The following EHF variants were observed in gnomAD, a reference collection of about 807,000 sequenced individuals.
EHF encodes the protein ETS homologous factor.
In EHF, 14 loss-of-function variants were observed where a neutral mutation model predicts 45.1. The ratio of observed to expected loss-of-function variants is 0.31; its 90% CI spans 0.21 to 0.49. The LOEUF (loss-of-function observed/expected upper bound fraction) is 0.49. Ranked by LOEUF, EHF falls within the 20% of genes least tolerant of loss-of-function variation. The probability of loss-of-function intolerance (pLI) is 0.99; values close to 1 mark genes in which losing one functional copy is unlikely to be tolerated. For synonymous variants in EHF, 136 were observed against 131.8 expected, an observed-to-expected ratio of 1.03 and a Z score of -0.22; for missense variants, 282 against 371.4, an observed-to-expected ratio of 0.76 and a Z score of 1.98.
At chr11:34,644,072 C>T (rs566754182) in intron 2 of EHF, among the ~76,000 whole-genome samples, 25 of 152,242 alleles carry the variant, frequency 1.6e-4, no homozygotes, top group African/African-American at 2.4e-4. Context: ...CTGTCTGATG[C>T]GGAATCTCCC....
At chr11:34,645,831 G>T (rs991238557) in intron 2 of EHF, among the ~76,000 whole-genome samples, 1 of 152,176 alleles carries the variant, frequency 6.6e-6, no homozygotes, top group Non-Finnish European at 1.5e-5. Flanking sequence ...ATTTCAGTGG[G>T]TGATGAGGAC....
At chr11:34,656,420 A>C (rs1239582600) in intron 6 of EHF, among the ~76,000 whole-genome samples, 1 of 151,974 alleles carries the variant, frequency 6.6e-6, no homozygotes, top group Non-Finnish European at 1.5e-5. Context: ...CAAATTTTTC[A>C]ATGATCTAAA....
rs1250171927 is a variant in EHF, at chr11:34,661,514, T to G, written c.*2583T>G. On this transcript the variant is annotated 3_prime_UTR_variant, in exon 9 of 9. Coordinates refer to ENST00000257831, the MANE Select transcript of EHF (RefSeq NM_012153.6). Reference sequence around the variant, plus strand: ...CAGATAATTAGTGGATTGTGTTGTTTGTTGAGAGTGAAGGTTTCTTGGCAT... The same window carrying G: ...CAGATAATTAGTGGATTGTGTTGTTGGTTGAGAGTGAAGGTTTCTTGGCAT... Among the ~76,000 whole-genome samples, 1 of 152,146 alleles carries G rather than the reference T, an allele frequency of 6.6e-6. No homozygotes were observed. Among genetic ancestry groups the G allele is most frequent in the Non-Finnish European group, 1.5e-5 (1 of 68,016 alleles).
Position 34,629,068 on chromosome 11 carries a change from C to T in EHF, c.-4+7840C>T, listed in dbSNP as rs892487845. Among the ~76,000 whole-genome samples, 14 of 152,292 alleles carry T rather than the reference C, an allele frequency of 9.2e-5. 1 individual carries two copies. Among genetic ancestry groups the T allele is most frequent in the Admixed American group, 3.3e-4 (5 of 15,298 alleles). On this transcript the variant is annotated intron_variant, in intron 1 of 8. Transcript: ENST00000257831. ...AGACTGGGAGTCTGGGAAGCTGCTG[C>T]GGAGAGCCCTCTCCTCATTTTCATC...
At chr11:34,637,331 A>AG (rs1853534259) in intron 1 of EHF, among the ~76,000 whole-genome samples, 1 of 152,192 alleles carries the variant, frequency 6.6e-6, no homozygotes, top group Non-Finnish European at 1.5e-5. Context: ...CTGGAGAAGC[A>AG]GGCGCATGGG....
chr11:34,631,520 G>A (rs1852888820), intron 1 of EHF: 1 of 965,912 alleles, frequency 1.0e-6, no homozygotes, highest in South Asian at 4.8e-5. Context: ...ATGATGCTTG[G>A]ATTAGGACAG....
In EHF at chr11:34,649,048, A is replaced by C; in HGVS notation, c.373A>C (p.Thr125Pro). 6.2e-7 allele frequency: 1 copy of C among 1,614,036 alleles called. No individual in the cohort carries two copies. Among genetic ancestry groups the C allele is most frequent in the Non-Finnish European group, 8.5e-7 (1 of 1,179,932 alleles). Residue 125 changes from threonine (T) to proline (P), a missense_variant, in exon 4 of 9, where the codon ACA becomes CCA. Around this residue, in one of 3 missense-constraint regions of EHF, gnomAD observed 213 missense variants for 247.3 expected, o/e 0.86. Transcript: ENST00000257831. ...GQCSSDLFQS[T>P]HNVIVKTEQT... ...GTGCAGTAGTGACCTGTTCCAGTCC[A>C]CACACAATGTCATTGTCAAGACTGA...
chr11:34,621,465 T>C (rs1851986624), intron 1 of EHF, among the ~76,000 whole-genome samples: 1 of 151,832 alleles, frequency 6.6e-6, no homozygotes, highest in Non-Finnish European at 1.5e-5. Flanking sequence ...TCTGGACTTC[T>C]AATCTCTGTG....
In EHF at chr11:34,662,961, TA is replaced by T. The variant is rs895968357; in HGVS notation, c.*4038del. ...CTGGAACTAGAGATAGAGCATTTAT[TA>T]AAAAAAACTCCTGTTGAGACTGTGT... is the stretch of plus-strand genomic sequence containing the variant. On this transcript the variant is annotated 3_prime_UTR_variant, in exon 9 of 9. Coordinates refer to ENST00000257831, the MANE Select transcript of EHF (RefSeq NM_012153.6). Among the ~76,000 whole-genome samples the T allele has an allele frequency of 1.3e-5, 2 of 151,946 alleles. No individual in the cohort carries two copies. The highest frequency in any genetic ancestry group is 6.6e-5 in the Admixed American group (1 of 15,234).
At chr11:34,637,333 G>A (rs947415462) in intron 1 of EHF, among the ~76,000 whole-genome samples, 1 of 152,184 alleles carries the variant, frequency 6.6e-6, no homozygotes, top group East Asian at 1.9e-4. Context: ...GGAGAAGCAG[G>A]CGCATGGGGC....
At chr11:34,621,937 T>A (rs1224356794) in intron 1 of EHF, 1 of 152,286 alleles carries the variant, frequency 6.6e-6, no homozygotes, top group Non-Finnish European at 1.5e-5. Context: ...TTACTCCATT[T>A]TGTCCAGAAA....
At chr11:34,632,851 A>G (rs911393594) in intron 1 of EHF, among the ~76,000 whole-genome samples, 5 of 152,152 alleles carry the variant, frequency 3.3e-5, no homozygotes, top group African/African-American at 1.2e-4. Context: ...GCCAGCACCT[A>G]GCAAAGTGCC....
At chr11:34,629,097 C>T (rs1015899093) in intron 1 of EHF, among the ~76,000 whole-genome samples, 4 of 152,284 alleles carry the variant, frequency 2.6e-5, no homozygotes, top group Middle Eastern at 3.4e-3. Flanking sequence ...TTTCATCAGG[C>T]TCAGCTACGC....
intron 1 of EHF, among the ~76,000 whole-genome samples, chr11:34,633,570 G>A (rs1482295026): frequency 6.6e-6 from 1 of 152,110 alleles, no homozygotes; most frequent in Non-Finnish European, 1.5e-5. Context: ...TGAGCATTAG[G>A]ACCTATTTTA....
At chr11:34,642,788 C>A in intron 2 of EHF, 61 bp downstream of exon 2, 1 of 1,181,840 alleles carries the variant, frequency 8.5e-7, no homozygotes, top group Non-Finnish European at 1.3e-6. Context: ...TGCTTTAATT[C>A]CTCTCACAAC....
At chr11:34,626,326 G>A (rs1206443474) in intron 1 of EHF, among the ~76,000 whole-genome samples, 2 of 152,158 alleles carry the variant, frequency 1.3e-5, no homozygotes, top group Non-Finnish European at 2.9e-5. Context: ...AATAAGAAGA[G>A]GGTCTTCTAC....
intron 1 of EHF, among the ~76,000 whole-genome samples, chr11:34,623,414 C>G (rs1852121066): frequency 1.3e-5 from 2 of 152,144 alleles, no homozygotes; most frequent in African/African-American, 4.8e-5. Context: ...ATCTATTAGT[C>G]TATCGTGATC....
chr11:34,632,446 A>G, intron 1 of EHF: 1 of 1,483,570 alleles, frequency 6.7e-7, no homozygotes, highest in Non-Finnish European at 8.9e-7. Context: ...TCAGAGAGAG[A>G]CATTCAGCCA....
rs1855916320 is a variant in EHF at position 34,659,015 on chromosome 11, C to T, written c.*84C>T. The stretch of plus-strand genomic sequence containing the variant: ...CTCCTGGACGTAAATATTTCAAAGA[C>T]TACTTTTCTCTGATATTTATGTACC... On this transcript the variant is annotated 3_prime_UTR_variant, in exon 9 of 9. Transcript: ENST00000257831. 9.8e-7 allele frequency: 1 copy of T among 1,022,506 alleles called. No individual in the cohort carries two copies. Among genetic ancestry groups the T allele is most frequent in the Non-Finnish European group, 1.4e-6 (1 of 703,038 alleles). The allele number at this position is 1,022,506 out of a possible 1,614,324, so 63.3% of individuals were successfully genotyped here.
Sources: gnomAD v4.1 joint callset for allele counts (sites outside exome capture counted in the v4.1 genomes callset) on GRCh38, gnomAD v4.1.1 for gene constraint, gnomAD v4.1.1 regional missense constraint, MANE v1.5 for transcripts, NCBI Gene and HGNC (gene_info 2026-07-23, HGNC 2026-07-21) for gene names.